Variants in PCDHGB3 observed in about 807,000 individuals in gnomAD.
PCDHGB3 encodes protocadherin gamma-B3.
Under a neutral mutation model 59.2 loss-of-function variants are expected in PCDHGB3, and 40 were observed. The ratio of observed to expected loss-of-function variants is 0.68; its 90% CI spans 0.52 to 0.88. PCDHGB3 has a LOEUF of 0.88. Among genes scored for constraint, PCDHGB3 ranks in the 40% least tolerant of loss-of-function variants. The pLI is 0.00. For missense variants in PCDHGB3, 1,309 were observed against 1,187.9 expected (o/e 1.10, Z -1.50); for synonymous variants, 581 against 503.6 (o/e 1.15, Z -2.06).
chr5:141,497,125 G>A (rs968031174), intron 2 of PCDHGB3, among the ~76,000 whole-genome samples: 1 of 152,094 alleles, frequency 6.6e-6, no homozygotes, highest in South Asian at 2.1e-4. Context: ...GGCAGAGGTT[G>A]CAGTGAGCTG....
intron 1 of PCDHGB3, chr5:141,394,385 G>C: frequency 6.2e-7 from 1 of 1,614,206 alleles, no homozygotes. Context: ...ACTATGAGCA[G>C]ATCCGAGACC....
chr5:141,454,128 C>T (rs988254902), intron 1 of PCDHGB3, among the ~76,000 whole-genome samples: 4 of 152,122 alleles, frequency 2.6e-5, no homozygotes, highest in African/African-American at 7.2e-5. Flanking sequence ...AATAGCTGAC[C>T]ATGGGAATGT....
At chr5:141,394,833 G>A (rs867584109) in intron 1 of PCDHGB3, 1 of 1,613,848 alleles carries the variant, frequency 6.2e-7, no homozygotes, top group South Asian at 1.1e-5. Flanking sequence ...AGTCCTGACC[G>A]AGTTGGGCAG....
chr5:141,415,648 A>G (rs1403877896), intron 1 of PCDHGB3: 1 of 1,598,772 alleles, frequency 6.3e-7, no homozygotes, highest in African/African-American at 1.4e-5. Flanking sequence ...TGTTAAAAAA[A>G]AAAAGATTGG....
rs191642740 is a variant in PCDHGB3 at position 141,509,833 on chromosome 5, C to T, written c.2564-1114C>T. On this transcript the variant is annotated intron_variant, in intron 3 of 3. Coordinates refer to ENST00000576222, the MANE Select transcript of PCDHGB3 (RefSeq NM_018924.5). ...GAGCTCTTCTCCATCTTCTCTCTAC[C>T]TCCCATTCACTCAGAACAGGGATAA... 2.6e-5 allele frequency among the ~76,000 whole-genome samples: 4 copies of T among 152,300 alleles called. No individual in the cohort carries two copies. The East Asian group carries it at 7.7e-4, about 29-fold the overall frequency.
intron 1 of PCDHGB3, among the ~76,000 whole-genome samples, chr5:141,450,315 G>A (rs1319432573): frequency 1.3e-5 from 2 of 151,918 alleles, no homozygotes; most frequent in African/African-American, 4.8e-5. Context: ...GTGTGGCCTA[G>A]TTGCCATGTC....
intron 1 of PCDHGB3, among the ~76,000 whole-genome samples, chr5:141,460,922 ATATGTGTGTGTG>A: frequency 6.6e-6 from 1 of 151,042 alleles, no homozygotes; most frequent in Non-Finnish European, 1.5e-5. Context: ...GTATATATAT[ATATGTGTGTGTG>A]TATATATATG....
intron 2 of PCDHGB3, among the ~76,000 whole-genome samples, chr5:141,501,420 T>C (rs1429838126): frequency 6.6e-6 from 1 of 152,006 alleles, no homozygotes; most frequent in Non-Finnish European, 1.5e-5. Context: ...AATAGTTGAC[T>C]AAATGTAGTC....
Position 141,384,181 on chromosome 5 carries a change from G to A in PCDHGB3, c.2415+11372G>A, listed in dbSNP as rs765782736. ...CATCACACTGAAAGCCACAGATGGTGGAACTCCTCCCTTGTCCAGGGAAAC... is the reference window on the plus strand; with the variant it reads ...CATCACACTGAAAGCCACAGATGGTAGAACTCCTCCCTTGTCCAGGGAAAC... On this transcript the variant is annotated intron_variant, in intron 1 of 3. Coordinates refer to ENST00000576222, the MANE Select transcript of PCDHGB3 (RefSeq NM_018924.5). 18 of 1,613,702 alleles carry A rather than the reference G, an allele frequency of 1.1e-5. No homozygotes were observed. Among genetic ancestry groups the A allele is most frequent in the Non-Finnish European group, 1.4e-5 (16 of 1,179,868 alleles).
chr5:141,421,338 A>G (rs560707757), intron 1 of PCDHGB3: 2 of 1,613,966 alleles, frequency 1.2e-6, no homozygotes, highest in Non-Finnish European at 1.7e-6. Context: ...ATTCGGTGCC[A>G]GAAGAGACCG....
chr5:141,384,092 T>C, intron 1 of PCDHGB3: 1 of 1,596,242 alleles, frequency 6.3e-7, no homozygotes. Flanking sequence ...GAAAAATCAA[T>C]AGATAATTAT....
intron 1 of PCDHGB3, chr5:141,385,185 C>T: frequency 1.2e-6 from 2 of 1,614,214 alleles, no homozygotes; most frequent in African/African-American, 1.3e-5. Context: ...TCACCGCGGA[C>T]TCTCGGAAGA....
intron 2 of PCDHGB3, among the ~76,000 whole-genome samples, chr5:141,504,782 G>A (rs2099841011): frequency 6.6e-6 from 1 of 151,926 alleles, no homozygotes; most frequent in Non-Finnish European, 1.5e-5. Context: ...AGGGTCTCTT[G>A]GGGCCTCCTA....
chr5:141,390,399 G>A (rs545358089), intron 1 of PCDHGB3: 2 of 1,359,380 alleles, frequency 1.5e-6, no homozygotes, highest in Non-Finnish European at 2.0e-6. Context: ...GATCATTTTA[G>A]GAAAGTTGTA....
intron 1 of PCDHGB3, chr5:141,376,465 T>A: frequency 1.9e-6 from 3 of 1,614,178 alleles, no homozygotes; most frequent in East Asian, 2.2e-5. Flanking sequence ...TTCTGATAAC[T>A]CAGGATTTAC....
At chr5:141,443,131 A>C (rs1042010214) in intron 1 of PCDHGB3, among the ~76,000 whole-genome samples, 2 of 152,144 alleles carry the variant, frequency 1.3e-5, no homozygotes, top group African/African-American at 4.8e-5. Flanking sequence ...GATTAAGAAC[A>C]CTATCATAAG....
chr5:141,424,295 C>T (rs1481053072), intron 1 of PCDHGB3: 1 of 152,526 alleles, frequency 6.6e-6, no homozygotes, highest in East Asian at 1.9e-4. Flanking sequence ...TTTCTTCATC[C>T]TATCAACACA....
At chr5:141,383,733 A>T (rs770047743) in intron 1 of PCDHGB3, 2 of 1,613,886 alleles carry the variant, frequency 1.2e-6, no homozygotes, top group African/African-American at 2.7e-5. Context: ...GGGAAGTGAC[A>T]TATTCTTTTC....
At chr5:141,410,441 A>C (rs1242063924) in intron 1 of PCDHGB3, 1 of 1,613,828 alleles carries the variant, frequency 6.2e-7, no homozygotes, top group South Asian at 1.1e-5. Flanking sequence ...CAGTGAGGGG[A>C]CTTTGCCTTA....
Sources: gnomAD v4.1 joint callset for allele counts (sites outside exome capture counted in the v4.1 genomes callset) on GRCh38, gnomAD v4.1.1 for gene constraint, MANE v1.5 for transcripts, NCBI Gene and HGNC (gene_info 2026-07-23, HGNC 2026-07-21) for gene names.